Variants in COPS7B observed in about 807,000 individuals in gnomAD.
The protein encoded by COPS7B is COP9 signalosome complex subunit 7b.
Under a neutral mutation model 33.4 loss-of-function variants are expected in COPS7B, and 9 were observed. That is an observed-to-expected ratio of 0.27 (90% CI 0.16 to 0.47). COPS7B has a LOEUF of 0.47. COPS7B is among the 20% of genes least tolerant of loss of function. The probability of loss-of-function intolerance (pLI) is 0.99; values close to 1 mark genes in which losing one functional copy is unlikely to be tolerated. For missense variants in COPS7B, 242 were observed against 318.2 expected, an observed-to-expected ratio of 0.76 and a Z score of 1.82; for synonymous variants, 119 against 126.3, an observed-to-expected ratio of 0.94 and a Z score of 0.39.
intron 3 of COPS7B, 58 bp downstream of exon 3, chr2:231,791,866 G>T (rs1278384285): frequency 1.4e-6 from 2 of 1,473,564 alleles, no homozygotes; most frequent in African/African-American, 2.8e-5. Flanking sequence ...CAGTTTGGAA[G>T]ACCATCAAGG....
rs779732389 is a variant in COPS7B, at chr2:231,791,806, T to G, written c.236T>G (p.Ile79Arg). 3 of 1,613,142 alleles carry G rather than the reference T, an allele frequency of 1.9e-6. No homozygotes were observed. The East Asian group carries it at 6.7e-5, about 36-fold the overall frequency. ...GCCTATGGGACATACCCAGATTACA[T>G]AGGTGAGTTGGTGAAGATCCTTCAA... ...LFAYGTYPDY[I>R]ANKESLPELS... Residue 79 changes from isoleucine to arginine, a missense_variant and splice_region_variant, in exon 3 of 7, where the codon ATA becomes AGA. By Grantham distance (97) the Ile-to-Arg change is moderately conservative. Transcript: ENST00000350033.
At chr2:231,798,254 C>CTTTTTTT (rs532747492) in intron 5 of COPS7B, among the ~76,000 whole-genome samples, 2 of 116,752 alleles carry the variant, frequency 1.7e-5, no homozygotes, top group African/African-American at 6.7e-5. Context: ...ATTCTACCTT[C>CTTTTTTT]TTTTTTTTTT....
Position 231,791,530 on chromosome 2 carries a change from G to T in COPS7B, c.163-203G>T, listed in dbSNP as rs1033755560. 1.6e-5 allele frequency: 9 copies of T among 571,666 alleles called. No individual in the cohort carries two copies. The African/African-American group carries it at 1.7e-4, about 11-fold the overall frequency. 35.4% of individuals were successfully genotyped at this position (571,666 alleles called of 1,614,324 possible). A position where few individuals can be genotyped will look rare whatever the true frequency, so the allele number is the denominator to read the frequency against. Reference sequence around the variant, plus strand: ...GAAAGTAAAACATTCCTGAGAGAGAGAAATTAAATTTGGGGCTTTAATAAT... The same window carrying T: ...GAAAGTAAAACATTCCTGAGAGAGATAAATTAAATTTGGGGCTTTAATAAT... On this transcript the variant is annotated intron_variant, in intron 2 of 6. Transcript: ENST00000350033.
upstream of COPS7B, among the ~76,000 whole-genome samples, chr2:231,783,434 G>A (rs1291903828): frequency 6.6e-6 from 1 of 152,184 alleles, no homozygotes; most frequent in African/African-American, 2.4e-5. Context: ...CAACACAAGA[G>A]TTTTGTTGTC....
intron 6 of COPS7B, among the ~76,000 whole-genome samples, chr2:231,805,415 A>T (rs1036852009): frequency 1.6e-3 from 89 of 55,938 alleles, no homozygotes; most frequent in Non-Finnish European, 2.1e-3. Context: ...CCTGTTTATT[A>T]TATATATATA....
intron 2 of COPS7B, chr2:231,790,771 G>A (rs1444741055): frequency 2.1e-5 from 3 of 143,264 alleles, no homozygotes; most frequent in South Asian, 2.2e-4. Flanking sequence ...TCGCTCTGTC[G>A]CCCAGGCCGG....
At chr2:231,784,639 G>A (rs2049197483), upstream of COPS7B, among the ~76,000 whole-genome samples, 1 of 152,064 alleles carries the variant, frequency 6.6e-6, no homozygotes, top group Admixed American at 6.5e-5. Context: ...CTCTTCCATA[G>A]CCCTGTTCAC....
At chr2:231,805,444 T>A (rs1446450108) in intron 6 of COPS7B, among the ~76,000 whole-genome samples, 4 of 97,222 alleles carry the variant, frequency 4.1e-5, no homozygotes, top group South Asian at 3.5e-4. Flanking sequence ...TTTTTTTAAA[T>A]TTTATATATA....
At chr2:231,802,545 G>C (rs753382953) in intron 6 of COPS7B, among the ~76,000 whole-genome samples, 4 of 152,238 alleles carry the variant, frequency 2.6e-5, no homozygotes, top group African/African-American at 4.8e-5. Context: ...CTGTAAGCCA[G>C]GCCACTGGAG....
At chr2:231,800,906 A>G (rs967772682) in intron 6 of COPS7B, among the ~76,000 whole-genome samples, 2 of 152,176 alleles carry the variant, frequency 1.3e-5, no homozygotes, top group Non-Finnish European at 2.9e-5. Flanking sequence ...TTTTCCATTT[A>G]GCAAATGCAT....
At position 231,808,158 on chromosome 2, in the gene COPS7B, C is replaced by G. The variant is rs1410845490; in HGVS notation, c.*513C>G. On this transcript the variant is annotated 3_prime_UTR_variant, in exon 7 of 7. Transcript: ENST00000350033. ...CTGCTTTCCCTCTCCTGCCTCATCC[C>G]TTGTTGGCAGCTCCAGTTCAGGCCG... is the stretch of plus-strand genomic sequence containing the variant. 3.6e-6 allele frequency: 1 copy of G among 276,702 alleles called. No homozygotes were observed. Among genetic ancestry groups the G allele is most frequent in the Admixed American group, 5.1e-5 (1 of 19,710 alleles). 17.1% of individuals were successfully genotyped at this position (276,702 alleles called of 1,614,324 possible).
In COPS7B at chr2:231,808,380, C is replaced by G; in HGVS notation, c.*735C>G. On this transcript the variant is annotated 3_prime_UTR_variant, in exon 7 of 7. Coordinates refer to ENST00000350033, the MANE Select transcript of COPS7B (RefSeq NM_022730.4). Reference sequence around the variant, plus strand: ...TTGGCGTTCTCTCCTGGCCACTCTTCCTGCTGCCTCTGACTACTCAGCCTT... The same window carrying G: ...TTGGCGTTCTCTCCTGGCCACTCTTGCTGCTGCCTCTGACTACTCAGCCTT... 2.1e-6 allele frequency: 1 copy of G among 466,966 alleles called. No individual in the cohort carries two copies. Among genetic ancestry groups the G allele is most frequent in the Non-Finnish European group, 4.4e-6 (1 of 224,824 alleles). 28.9% of individuals were successfully genotyped at this position (466,966 alleles called of 1,614,324 possible). A position where few individuals can be genotyped will look rare whatever the true frequency, so the allele number is the denominator to read the frequency against.
At chr2:231,789,329 G>A (rs1162704333) in intron 2 of COPS7B, among the ~76,000 whole-genome samples, 2 of 152,190 alleles carry the variant, frequency 1.3e-5, no homozygotes, top group Non-Finnish European at 2.9e-5. Context: ...TGAACAGAAG[G>A]AACAAAGAGA....
chr2:231,788,167 C>T (rs1023043162), intron 1 of COPS7B, among the ~76,000 whole-genome samples: 10 of 136,986 alleles, frequency 7.3e-5, no homozygotes, highest in East Asian at 6.2e-4. Flanking sequence ...GAGACAGTCT[C>T]GCTCTGTTGC....
rs1386108081 is a variant in COPS7B, at chr2:231,786,455, G to T, written c.-100G>T. ...AGACAGAAAAGCGCCGGACGCCGGG[G>T]TGATCATGGACGCTTGACAACCTGC... On this transcript the variant is annotated 5_prime_UTR_variant, in exon 1 of 7. Coordinates refer to ENST00000350033, the MANE Select transcript of COPS7B (RefSeq NM_022730.4). The T allele has an allele frequency of 6.4e-5, 63 of 985,932 alleles. No individual in the cohort carries two copies. The highest frequency in any genetic ancestry group is 6.4e-5 in the Non-Finnish European group (53 of 830,100). The allele number at this position is 985,932 out of a possible 1,614,324, so 61.1% of individuals were successfully genotyped here.
upstream of COPS7B, among the ~76,000 whole-genome samples, chr2:231,783,191 C>T (rs1384868127): frequency 1.3e-5 from 2 of 152,140 alleles, no homozygotes; most frequent in Non-Finnish European, 2.9e-5. Context: ...CCACTGTTGG[C>T]GGGCATTTGG....
upstream of COPS7B, among the ~76,000 whole-genome samples, chr2:231,785,031 G>A (rs1274847542): frequency 5.3e-5 from 8 of 152,184 alleles, no homozygotes; most frequent in South Asian, 1.2e-3. Flanking sequence ...GGCCGGTCTC[G>A]AACTCCTGAC....
chr2:231,794,925 T>TC (rs2049523130), intron 4 of COPS7B, among the ~76,000 whole-genome samples: 2 of 151,198 alleles, frequency 1.3e-5, no homozygotes, highest in Admixed American at 6.6e-5. Context: ...GCTAATTTTT[T>TC]TTTTTTTTTT....
upstream of COPS7B, chr2:231,782,025 C>T (rs2049142464): frequency 2.8e-6 from 2 of 719,942 alleles, no homozygotes; most frequent in South Asian, 3.6e-5. Context: ...TGGTTTGCAC[C>T]GGGAGAGCTA....
Sources: gnomAD v4.1 joint callset for allele counts (sites outside exome capture counted in the v4.1 genomes callset) on GRCh38, gnomAD v4.1.1 for gene constraint, MANE v1.5 for transcripts, NCBI Gene and HGNC (gene_info 2026-07-23, HGNC 2026-07-21) for gene names.